KAZN: variants seen among roughly 807,000 people sequenced by gnomAD.
KAZN encodes the protein kazrin, periplakin interacting protein.
A neutral mutation model predicts 87.4 loss-of-function variants in KAZN; 40 were observed. The observed-to-expected ratio is 0.46, with a 90% CI of 0.36 to 0.60. The LOEUF (loss-of-function observed/expected upper bound fraction) is 0.60. KAZN is among the 20% of genes least tolerant of loss of function. KAZN has a pLI of 0.00. For synonymous variants in KAZN, 466 were observed against 458.3 expected (o/e 1.02, Z -0.22); for missense variants, 898 against 1,073.9 (o/e 0.84, Z 2.29).
rs1273404105 is a variant in KAZN at position 14,691,929 on chromosome 1, T to C, written c.226+92706T>C. The stretch of plus-strand genomic sequence containing the variant: ...CTTATCTTATCTGCCAATTTCTTCC[T>C]TTTTTTTTTTTTTTACGATGAATTC... On this transcript the variant is annotated intron_variant, in intron 1 of 14. Transcript: ENST00000376030. Among the ~76,000 whole-genome samples the C allele has an allele frequency of 8.3e-4, 28 of 33,700 alleles. 1 individual carries two copies. The East Asian group carries it at 0.028, about 34-fold the overall frequency. 22.1% of individuals were successfully genotyped at this position (33,700 alleles called of 152,430 possible).
chr1:14,574,044 AC>A (rs1675031420), intron 2 of KAZN, among the ~76,000 whole-genome samples: 1 of 152,156 alleles, frequency 6.6e-6, no homozygotes, highest in African/African-American at 2.4e-5. Flanking sequence ...TCATGACATA[AC>A]GTTTCCAATG....
chr1:14,384,901 C>T (rs1386795091), intron 2 of KAZN, among the ~76,000 whole-genome samples: 1 of 151,452 alleles, frequency 6.6e-6, no homozygotes, highest in African/African-American at 2.4e-5. Context: ...GTACCAGTTC[C>T]TCCTTGTACC....
intron 2 of KAZN, among the ~76,000 whole-genome samples, chr1:14,457,034 C>T (rs557354532): frequency 6.6e-6 from 1 of 152,130 alleles, no homozygotes; most frequent in Non-Finnish European, 1.5e-5. Context: ...GAGCCAAGAT[C>T]GCACCACTGC....
chr1:14,114,394 G>A (rs1307804126), intron 1 of KAZN, among the ~76,000 whole-genome samples: 1 of 152,028 alleles, frequency 6.6e-6, no homozygotes, highest in Admixed American at 6.5e-5. Context: ...CTGGCGATTT[G>A]CAGAATCAGG....
At chr1:15,035,303 G>A (rs1017995892) in intron 3 of KAZN, among the ~76,000 whole-genome samples, 3 of 152,196 alleles carry the variant, frequency 2.0e-5, no homozygotes, top group Admixed American at 1.3e-4. Context: ...TCAATAAGAC[G>A]CATAGCTAAC....
chr1:14,155,340 C>CTAA (rs1162801230), intron 1 of KAZN, among the ~76,000 whole-genome samples: 1 of 152,140 alleles, frequency 6.6e-6, no homozygotes, highest in East Asian at 1.9e-4. Flanking sequence ...AAAGTAGTCA[C>CTAA]TAATGATCCT....
At chr1:14,707,184 T>C (rs1304985937) in intron 1 of KAZN, among the ~76,000 whole-genome samples, 1 of 152,090 alleles carries the variant, frequency 6.6e-6, no homozygotes, top group Non-Finnish European at 1.5e-5. Context: ...ACTATGACGG[T>C]GAGGTCTGCT....
At chr1:15,109,824 ATGTG>A (rs147663155) in intron 13 of KAZN, among the ~76,000 whole-genome samples, 26,360 of 148,366 alleles carry the variant, frequency 0.18, 2,867 homozygotes, top group East Asian at 0.53. Flanking sequence ...ATGTGTATGT[ATGTG>A]TATGTGGTGT....
At chr1:14,941,206 A>T (rs1182648280) in intron 1 of KAZN, among the ~76,000 whole-genome samples, 1 of 152,082 alleles carries the variant, frequency 6.6e-6, no homozygotes, top group Non-Finnish European at 1.5e-5. Flanking sequence ...GGCGTGAGCC[A>T]CCACGCCCGT....
intron 1 of KAZN, among the ~76,000 whole-genome samples, chr1:14,679,479 G>A (rs934642804): frequency 2.0e-4 from 31 of 152,204 alleles, no homozygotes; most frequent in African/African-American, 7.0e-4. Flanking sequence ...CAGTGGTAGG[G>A]GCTGTGGGTT....
At chr1:14,846,768 C>T (rs764452298) in intron 1 of KAZN, among the ~76,000 whole-genome samples, 17 of 152,176 alleles carry the variant, frequency 1.1e-4, no homozygotes, top group Admixed American at 3.3e-4. Context: ...TTCCTGAGTG[C>T]CTTCTACCTG....
chr1:14,722,084 G>A (rs563049250), intron 1 of KAZN, among the ~76,000 whole-genome samples: 3 of 152,066 alleles, frequency 2.0e-5, no homozygotes, highest in Admixed American at 6.5e-5. Context: ...CCCAGGAGGC[G>A]GAGGTTGCAG....
chr1:14,025,561 G>A (rs533939875), intron 1 of KAZN, among the ~76,000 whole-genome samples: 5 of 152,064 alleles, frequency 3.3e-5, no homozygotes, highest in East Asian at 3.9e-4. Flanking sequence ...GTTTTCATAT[G>A]CACACTAAAT....
intron 2 of KAZN, among the ~76,000 whole-genome samples, chr1:14,202,959 G>A (rs967437438): frequency 3.3e-5 from 5 of 152,190 alleles, no homozygotes; most frequent in South Asian, 2.1e-4. Flanking sequence ...AGAGCTTGCC[G>A]TGAGCCGAGA....
intron 2 of KAZN, among the ~76,000 whole-genome samples, chr1:14,424,515 C>T (rs533773193): frequency 6.6e-6 from 1 of 152,254 alleles, no homozygotes; most frequent in Admixed American, 6.5e-5. Context: ...CGCAGAGCCA[C>T]CATGTACAGC....
At chr1:14,848,442 G>A (rs1218035033) in intron 1 of KAZN, among the ~76,000 whole-genome samples, 1 of 152,220 alleles carries the variant, frequency 6.6e-6, no homozygotes, top group Non-Finnish European at 1.5e-5. Flanking sequence ...GTATTTCAAG[G>A]ATGGGGTGAA....
chr1:14,722,546 A>G (rs1034328767), intron 1 of KAZN, among the ~76,000 whole-genome samples: 3 of 152,238 alleles, frequency 2.0e-5, no homozygotes, highest in African/African-American at 7.2e-5. Context: ...CTTTCAAAAC[A>G]TTGCACTCTG....
chr1:14,115,522 C>T (rs1460713608), intron 1 of KAZN, among the ~76,000 whole-genome samples: 1 of 152,176 alleles, frequency 6.6e-6, no homozygotes, highest in African/African-American at 2.4e-5. Flanking sequence ...TGCCTTTTAC[C>T]TTCCACCATG....
At chr1:14,246,594 C>G (rs1571130455) in intron 2 of KAZN, among the ~76,000 whole-genome samples, 1 of 152,202 alleles carries the variant, frequency 6.6e-6, no homozygotes, top group East Asian at 1.9e-4. Context: ...ACTCCTGACC[C>G]AGCTCAAAGA....
Sources: allele counts gnomAD v4.1 joint callset (sites outside exome capture counted in the v4.1 genomes callset), GRCh38; gene constraint gnomAD v4.1.1; transcripts MANE v1.5; gene names NCBI Gene and HGNC (gene_info 2026-07-23, HGNC 2026-07-21).